LGR6: variants seen among roughly 807,000 people sequenced by gnomAD.
LGR6 encodes leucine rich repeat containing G protein-coupled receptor 6.
In LGR6, 45 loss-of-function variants were observed where a neutral mutation model predicts 69.4. The ratio of observed to expected loss-of-function variants is 0.65; its 90% confidence interval spans 0.51 to 0.83. The LOEUF is 0.83. Among genes scored for constraint, LGR6 ranks in the 40% least tolerant of loss-of-function variants. LGR6 has a pLI of 0.00. For missense variants in LGR6, 1,108 were observed against 1,246.7 expected, an observed-to-expected ratio of 0.89 and a Z score of 1.68; for synonymous variants, 538 against 555.0, an observed-to-expected ratio of 0.97 and a Z score of 0.43.
chr1:202,274,924 A>T (rs1665413431), intron 4 of LGR6, among the ~76,000 whole-genome samples: 1 of 152,178 alleles, frequency 6.6e-6, no homozygotes, highest in African/African-American at 2.4e-5. Flanking sequence ...TTCACACCCA[A>T]GACTTCAGTG....
At chr1:202,208,643 G>A (rs1280093248) in intron 1 of LGR6, among the ~76,000 whole-genome samples, 1 of 151,976 alleles carries the variant, frequency 6.6e-6, no homozygotes, top group Non-Finnish European at 1.5e-5. Flanking sequence ...CCCGCCAGCC[G>A]ACGCCACGCC....
chr1:202,293,504 T>G (rs567091369), intron 6 of LGR6, among the ~76,000 whole-genome samples: 93 of 146,844 alleles, frequency 6.3e-4, no homozygotes, highest in African/African-American at 2.0e-3. Context: ...TAGGAGTGGG[T>G]TTTTTTTTTT....
At chr1:202,223,901 C>G (rs528759473) in intron 1 of LGR6, among the ~76,000 whole-genome samples, 47 of 147,992 alleles carry the variant, frequency 3.2e-4, no homozygotes, top group Non-Finnish European at 6.0e-4. Flanking sequence ...CACTTGCCCA[C>G]AGGACCCCGA....
At chr1:202,316,619 C>T (rs1041805239) in intron 17 of LGR6, among the ~76,000 whole-genome samples, 10 of 152,078 alleles carry the variant, frequency 6.6e-5, no homozygotes, top group African/African-American at 1.7e-4. Flanking sequence ...AAAGACTGGA[C>T]GGAAGCATAC....
Position 202,318,959 on chromosome 1 carries a change from G to T in LGR6, c.2656G>T (p.Gly886Trp), listed in dbSNP as rs1447316573. The change falls in exon 18 of 18, where the codon GGG (glycine) becomes TGG (tryptophan). Residue 886 changes from glycine (G) to tryptophan (W), a missense_variant. By Grantham distance (184) the Gly-to-Trp change is radical. Transcript: ENST00000367278. ...TCTCATTCTGGAAGCTTCTGAAGCT[G>T]GGCGGCCCCCTGGGCTGGAGACCTA... ...VDLILEASEA[G>W]RPPGLETYGF... The T allele has an allele frequency of 1.2e-6, 2 of 1,613,748 alleles. No homozygotes were observed. Among genetic ancestry groups the T allele is most frequent in the South Asian group, 2.2e-5 (2 of 91,042 alleles).
chr1:202,316,453 G>C (rs1252112508), intron 17 of LGR6, among the ~76,000 whole-genome samples: 1 of 152,158 alleles, frequency 6.6e-6, no homozygotes, highest in African/African-American at 2.4e-5. Flanking sequence ...CTGTCCCCAT[G>C]ACCCAGACAC....
intron 6 of LGR6, among the ~76,000 whole-genome samples, chr1:202,287,427 G>A (rs1666471083): frequency 6.6e-6 from 1 of 152,058 alleles, no homozygotes; most frequent in South Asian, 2.1e-4. Flanking sequence ...GTTCTCCCAA[G>A]GCTCAAGTTC....
chr1:202,283,260 T>C (rs1666150734), intron 6 of LGR6, among the ~76,000 whole-genome samples: 1 of 152,200 alleles, frequency 6.6e-6, no homozygotes, highest in South Asian at 2.1e-4. Context: ...TTCCAACTTT[T>C]GATCTCCAAT....
intron 6 of LGR6, among the ~76,000 whole-genome samples, chr1:202,285,158 T>C (rs191443771): frequency 1.3e-5 from 2 of 152,366 alleles, no homozygotes; most frequent in East Asian, 3.9e-4. Flanking sequence ...TGGTGATCTG[T>C]TTCCACAGAA....
At chr1:202,280,962 G>T in intron 6 of LGR6, 110 bp downstream of exon 6, 1 of 963,176 alleles carries the variant, frequency 1.0e-6, no homozygotes, top group East Asian at 2.6e-5. Context: ...GGGATGCTGG[G>T]GTCTGGCCCC....
intron 4 of LGR6, among the ~76,000 whole-genome samples, chr1:202,255,285 G>A (rs896993914): frequency 3.9e-5 from 6 of 152,188 alleles, no homozygotes; most frequent in African/African-American, 1.2e-4. Flanking sequence ...CACAAGTGAG[G>A]CCAGTTAGGA....
At chr1:202,210,583 G>C (rs562008278) in intron 1 of LGR6, 1 of 152,234 alleles carries the variant, frequency 6.6e-6, no homozygotes, top group Non-Finnish European at 1.5e-5. Flanking sequence ...AGACGGCTGC[G>C]GTGAGGATGG....
At chr1:202,203,972 T>C (rs916429998) in intron 1 of LGR6, 13 of 843,432 alleles carry the variant, frequency 1.5e-5, no homozygotes, top group Middle Eastern at 4.4e-4. Flanking sequence ...AGTATTATGT[T>C]CACTATGTCT....
chr1:202,256,702 A>G (rs890705739), intron 4 of LGR6, among the ~76,000 whole-genome samples: 6 of 152,214 alleles, frequency 3.9e-5, no homozygotes, highest in African/African-American at 1.4e-4. Flanking sequence ...TTATGTACAC[A>G]TATGTTGTCA....
At chr1:202,199,660 G>GC (rs1342614172) in intron 1 of LGR6, among the ~76,000 whole-genome samples, 1 of 142,842 alleles carries the variant, frequency 7.0e-6, no homozygotes, top group Non-Finnish European at 1.5e-5. Context: ...ACTGACCCAC[G>GC]CCCCCCGGGG....
chr1:202,297,649 C>G, intron 7 of LGR6, 73 bp downstream of exon 7: 1 of 1,239,516 alleles, frequency 8.1e-7, no homozygotes, highest in Non-Finnish European at 1.2e-6. Flanking sequence ...CCTGAGCTGC[C>G]TCATGCTCTT....
intron 1 of LGR6, among the ~76,000 whole-genome samples, chr1:202,204,976 AACACACCTCCTTCAAACAC>A (rs1558004407): frequency 4.0e-4 from 1 of 2,504 alleles, no homozygotes; most frequent in Non-Finnish European, 7.7e-4. Flanking sequence ...ACACACACCT[AACACACCTCCTTCAAACAC>A]ACACACACCT....
At chr1:202,238,683 A>G (rs1571869869) in intron 4 of LGR6, among the ~76,000 whole-genome samples, 1 of 151,798 alleles carries the variant, frequency 6.6e-6, no homozygotes, top group Admixed American at 6.6e-5. Flanking sequence ...TCGGCCTCCC[A>G]AAGTGCTGGG....
intron 4 of LGR6, among the ~76,000 whole-genome samples, chr1:202,254,899 CAAAAAAAA>C (rs71890535): frequency 1.6e-5 from 2 of 124,348 alleles, no homozygotes; most frequent in Non-Finnish European, 1.7e-5. Flanking sequence ...TCTGTCTCTA[CAAAAAAAA>C]AAAAAAAAGG....
Sources: gnomAD v4.1 joint callset for allele counts (sites outside exome capture counted in the v4.1 genomes callset) on GRCh38, gnomAD v4.1.1 for gene constraint, MANE v1.5 for transcripts, NCBI Gene and HGNC (gene_info 2026-07-23, HGNC 2026-07-21) for gene names.